RBFOX1: variants seen among roughly 807,000 people sequenced by gnomAD.
The protein encoded by RBFOX1 is RNA binding protein fox-1 homolog 1.
In RBFOX1, 8 loss-of-function variants were observed where a neutral mutation model predicts 57.7. That is an observed-to-expected ratio of 0.14 (90% CI 0.08 to 0.25). The LOEUF (loss-of-function observed/expected upper bound fraction) is 0.25. Ranked by LOEUF, RBFOX1 falls within the 10% of genes least tolerant of loss-of-function variation. The pLI, the probability that RBFOX1 is intolerant of heterozygous loss-of-function variation, is 1.00. For missense variants in RBFOX1, 611 were observed against 548.5 expected (o/e 1.11, Z -1.14); for synonymous variants, 326 against 222.4 (o/e 1.47, Z -4.15).
At chr16:6,837,591 T>C (rs2093191236) in intron 3 of RBFOX1, among the ~76,000 whole-genome samples, 1 of 152,222 alleles carries the variant, frequency 6.6e-6, no homozygotes, top group Non-Finnish European at 1.5e-5. Context: ...GAGCCTCTAC[T>C]GGGAACAATT....
intron 2 of RBFOX1, among the ~76,000 whole-genome samples, chr16:5,529,141 T>G (rs916473855): frequency 6.6e-6 from 1 of 152,104 alleles, no homozygotes; most frequent in Non-Finnish European, 1.5e-5. Context: ...GCTGTGCAAC[T>G]GTGTGCAAAG....
intron 1 of RBFOX1, among the ~76,000 whole-genome samples, chr16:5,246,416 C>G (rs1025407195): frequency 6.6e-6 from 1 of 152,020 alleles, no homozygotes; most frequent in African/African-American, 2.4e-5. Flanking sequence ...ATGGCTAAAT[C>G]AAGCTAAATA....
At chr16:6,579,872 C>T (rs117516491) in intron 2 of RBFOX1, among the ~76,000 whole-genome samples, 4,501 of 152,214 alleles carry the variant, frequency 0.03, 108 homozygotes, top group East Asian at 0.12. Flanking sequence ...AGGTGTGAGC[C>T]ACTGCCGCCA....
chr16:6,068,374 A>G (rs946120260), intron 1 of RBFOX1, among the ~76,000 whole-genome samples: 21 of 152,214 alleles, frequency 1.4e-4, no homozygotes, highest in Non-Finnish European at 2.4e-4. Context: ...AAAAGCTGAG[A>G]GAGCCAGTGC....
At chr16:5,774,366 G>C (rs2054078689) in intron 3 of RBFOX1, among the ~76,000 whole-genome samples, 1 of 152,132 alleles carries the variant, frequency 6.6e-6, no homozygotes, top group Admixed American at 6.5e-5. Context: ...ATTTCTTATG[G>C]TGATAGGAGT....
At chr16:7,587,425 T>C in intron 7 of RBFOX1, 125 bp downstream of exon 7, 12 of 1,010,028 alleles carry the variant, frequency 1.2e-5, no homozygotes, top group Non-Finnish European at 1.6e-5. Flanking sequence ...GGAATTCCTT[T>C]AGAGACCACC....
At chr16:7,688,250 T>A (rs372605944) in intron 14 of RBFOX1, among the ~76,000 whole-genome samples, 98 of 104,026 alleles carry the variant, frequency 9.4e-4, no homozygotes, top group Admixed American at 6.4e-3. Context: ...TGTGTGTGTG[T>A]GTGTGTGTGT....
intron 4 of RBFOX1, among the ~76,000 whole-genome samples, chr16:7,138,639 T>G (rs1451433076): frequency 6.6e-6 from 1 of 152,188 alleles, no homozygotes. Context: ...AATTCTCACC[T>G]GGGGCCTACA....
chr16:6,775,253 C>T (rs2079115169), intron 3 of RBFOX1, among the ~76,000 whole-genome samples: 1 of 146,708 alleles, frequency 6.8e-6, no homozygotes, highest in African/African-American at 2.5e-5. Context: ...AGGCGTGAAA[C>T]CGGGAGGCCG....
At chr16:7,672,160 G>C (rs1222178015) in intron 13 of RBFOX1, among the ~76,000 whole-genome samples, 1 of 152,130 alleles carries the variant, frequency 6.6e-6, no homozygotes, top group Non-Finnish European at 1.5e-5. Context: ...TGTTGTTATA[G>C]CTTTTAAACC....
intron 3 of RBFOX1, among the ~76,000 whole-genome samples, chr16:6,900,644 A>G (rs1199661162): frequency 1.3e-5 from 2 of 152,092 alleles, no homozygotes; most frequent in Admixed American, 1.3e-4. Flanking sequence ...CTGGAATTCT[A>G]CCCTTCTTGA....
intron 3 of RBFOX1, among the ~76,000 whole-genome samples, chr16:5,708,975 G>A (rs112207181): frequency 2.0e-5 from 3 of 152,324 alleles, no homozygotes; most frequent in African/African-American, 7.2e-5. Flanking sequence ...ACGGGCCATG[G>A]CAGTGTTAGC....
chr16:7,109,618 G>C (rs1049142000), intron 4 of RBFOX1, among the ~76,000 whole-genome samples: 6 of 152,072 alleles, frequency 3.9e-5, no homozygotes, highest in African/African-American at 1.4e-4. Flanking sequence ...CCAGTTTTAG[G>C]GGAAAGGGCT....
Position 5,467,881 on chromosome 16 carries a change from T to C in RBFOX1, c.258+627T>C, listed in dbSNP as rs116512508. Among the ~76,000 whole-genome samples the C allele has an allele frequency of 3.2e-3, 494 of 152,360 alleles. 3 individuals are homozygous for C. The highest frequency in any genetic ancestry group is 0.011 in the African/African-American group (471 of 41,588). Reference sequence around the variant, plus strand: ...AAATTAATACAAATGTAAGAATGTTTTTCCTCAAGATTAGTGTCAAGATAG... The same window carrying C: ...AAATTAATACAAATGTAAGAATGTTCTTCCTCAAGATTAGTGTCAAGATAG... On this transcript the variant is annotated intron_variant, in intron 2 of 2. Transcript: ENST00000585867.
chr16:7,708,449 A>C lies in RBFOX1; in HGVS notation c.996-607A>C, dbSNP rs1002990219. Among the ~76,000 whole-genome samples the C allele has an allele frequency of 1.0e-3, 155 of 152,074 alleles. 2 individuals are homozygous for C. The highest frequency in any genetic ancestry group is 2.8e-4 in the Non-Finnish European group (19 of 68,018). On this transcript the variant is annotated intron_variant, in intron 14 of 15. Coordinates refer to ENST00000550418, the MANE Select transcript of RBFOX1 (RefSeq NM_018723.4). ...CTTCCCAGAACCTGGCCATGGATTAATGTGACAGAAGTTCTGGAATAATAG... is the reference window on the plus strand; with the variant it reads ...CTTCCCAGAACCTGGCCATGGATTACTGTGACAGAAGTTCTGGAATAATAG...
At chr16:7,008,419 A>G (rs370718811) in intron 3 of RBFOX1, among the ~76,000 whole-genome samples, 7 of 152,000 alleles carry the variant, frequency 4.6e-5, no homozygotes, top group African/African-American at 1.7e-4. Context: ...GCGCATCTGT[A>G]ATTCCAGACA....
chr16:5,496,955 T>G (rs1185765083), intron 2 of RBFOX1, among the ~76,000 whole-genome samples: 1 of 152,248 alleles, frequency 6.6e-6, no homozygotes, highest in African/African-American at 2.4e-5. Flanking sequence ...TAAGTGATAT[T>G]TATATCTGCA....
At chr16:6,172,248 G>A (rs1229566527) in intron 1 of RBFOX1, among the ~76,000 whole-genome samples, 6 of 152,264 alleles carry the variant, frequency 3.9e-5, no homozygotes, top group South Asian at 2.1e-4. Flanking sequence ...ACTTGCAATC[G>A]TGTAGGGAGA....
intron 1 of RBFOX1, among the ~76,000 whole-genome samples, chr16:6,292,711 T>C (rs1479690481): frequency 1.3e-5 from 2 of 152,222 alleles, no homozygotes; most frequent in Non-Finnish European, 2.9e-5. Context: ...AAAAAGTCAT[T>C]GAACTATCTA....
Sources: allele counts gnomAD v4.1 joint callset (sites outside exome capture counted in the v4.1 genomes callset), GRCh38; gene constraint gnomAD v4.1.1; transcripts MANE v1.5; gene names NCBI Gene and HGNC (gene_info 2026-07-23, HGNC 2026-07-21).